The following PLCE1 variants were observed in gnomAD, a reference collection of about 807,000 sequenced individuals.
The protein encoded by PLCE1 is phospholipase C epsilon 1, also known as 1-phosphatidylinositol 4,5-bisphosphate phosphodiesterase epsilon-1.
Under a neutral mutation model 242.8 loss-of-function variants are expected in PLCE1, and 119 were observed. That is an observed-to-expected ratio of 0.49 (90% CI 0.42 to 0.57). The LOEUF (loss-of-function observed/expected upper bound fraction) is 0.57, where lower values mean the gene tolerates loss of function less well. PLCE1 is among the 20% of genes least tolerant of loss of function. PLCE1 has a pLI of 0.00. For synonymous variants in PLCE1, 945 were observed against 1,017.4 expected (o/e 0.93, Z 1.35); for missense variants, 2,441 against 2,788.8 (o/e 0.88, Z 2.81).
chr10:94,327,211 A>T (rs564683843), intron 32 of PLCE1, among the ~76,000 whole-genome samples: 3 of 152,200 alleles, frequency 2.0e-5, no homozygotes, highest in Non-Finnish European at 4.4e-5. Flanking sequence ...CATCTATGTG[A>T]ATTGACATCC....
At chr10:94,026,116 C>A (rs1165983138) in intron 1 of PLCE1, among the ~76,000 whole-genome samples, 1 of 152,106 alleles carries the variant, frequency 6.6e-6, no homozygotes, top group Non-Finnish European at 1.5e-5. Flanking sequence ...ATGAAAACAC[C>A]CATCAACAGG....
intron 3 of PLCE1, among the ~76,000 whole-genome samples, chr10:94,166,808 C>T (rs2047821184): frequency 6.6e-6 from 1 of 152,040 alleles, no homozygotes; most frequent in African/African-American, 2.4e-5. Context: ...TTACAGGGTT[C>T]ACTGTGAGAA....
chr10:94,245,859 AAAAT>A, intron 7 of PLCE1, 83 bp from the exon 8 acceptor site: 2 of 1,035,242 alleles, frequency 1.9e-6, no homozygotes, highest in Non-Finnish European at 3.1e-6. Flanking sequence ...AGTGCGATGA[AAAAT>A]AAAGCCCAGT....
intron 2 of PLCE1, among the ~76,000 whole-genome samples, chr10:94,050,662 T>C (rs979227328): frequency 3.3e-5 from 5 of 152,072 alleles, no homozygotes; most frequent in African/African-American, 1.2e-4. Context: ...AGTTGAACTA[T>C]AAGTGTAATA....
At chr10:94,207,604 G>A (rs1306566150) in intron 4 of PLCE1, among the ~76,000 whole-genome samples, 2 of 151,012 alleles carry the variant, frequency 1.3e-5, no homozygotes, top group East Asian at 1.9e-4. Flanking sequence ...TCAAAGCAAT[G>A]GCACTCCAGA....
intron 27 of PLCE1, among the ~76,000 whole-genome samples, chr10:94,310,300 A>G (rs2053346503): frequency 6.6e-6 from 1 of 151,446 alleles, no homozygotes; most frequent in South Asian, 2.1e-4. Context: ...ATCAGTTTTG[A>G]CTCCCGCTGT....
intron 3 of PLCE1, among the ~76,000 whole-genome samples, chr10:94,133,254 A>G (rs1412111785): frequency 2.6e-5 from 4 of 152,204 alleles, no homozygotes; most frequent in African/African-American, 9.6e-5. Context: ...TTAAAGGACA[A>G]GATAGGCAGG....
chr10:94,269,516 T>A (rs557661225), intron 17 of PLCE1, among the ~76,000 whole-genome samples: 1 of 152,302 alleles, frequency 6.6e-6, no homozygotes, highest in East Asian at 1.9e-4. Context: ...ATGTGGAATG[T>A]GCACATGTTC....
chr10:94,299,643 A>G (rs2052966902), intron 24 of PLCE1, among the ~76,000 whole-genome samples: 1 of 152,216 alleles, frequency 6.6e-6, no homozygotes, highest in South Asian at 2.1e-4. Flanking sequence ...TCATCTAACC[A>G]TGCTGAACCA....
intron 5 of PLCE1, among the ~76,000 whole-genome samples, chr10:94,233,343 A>G (rs2050205730): frequency 6.6e-6 from 1 of 152,228 alleles, no homozygotes; most frequent in Admixed American, 6.5e-5. Flanking sequence ...GTTGATCACT[A>G]AGGGACTGGA....
intron 24 of PLCE1, among the ~76,000 whole-genome samples, chr10:94,300,694 A>G (rs902388186): frequency 2.0e-5 from 3 of 151,024 alleles, no homozygotes; most frequent in Admixed American, 2.0e-4. Flanking sequence ...CCCCACTGCA[A>G]TATGAACATG....
At chr10:94,315,769 C>CAAAAAAAAAAAAAAAA (rs10572287) in intron 28 of PLCE1, among the ~76,000 whole-genome samples, 1 of 122,870 alleles carries the variant, frequency 8.1e-6, no homozygotes, top group Non-Finnish European at 1.7e-5. Context: ...GACTCTGTCT[C>CAAAAAAAAAAAAAAAA]AAAAAAAAAA....
chr10:94,196,132 T>C (rs1195798464), intron 4 of PLCE1, among the ~76,000 whole-genome samples: 4 of 152,170 alleles, frequency 2.6e-5, no homozygotes, highest in Non-Finnish European at 5.9e-5. Flanking sequence ...CCTATTGCTA[T>C]TATAATCTTC....
chr10:94,058,252 G>T (rs1430920989), intron 2 of PLCE1, among the ~76,000 whole-genome samples: 1 of 152,228 alleles, frequency 6.6e-6, no homozygotes, highest in Middle Eastern at 3.4e-3. Context: ...AGCTCTTATT[G>T]GCATGTATAT....
At chr10:94,120,601 T>C (rs2046271329) in intron 2 of PLCE1, 1 of 152,182 alleles carries the variant, frequency 6.6e-6, no homozygotes, top group African/African-American at 2.4e-5. Context: ...AGAAATACAG[T>C]GCATTTAATA....
chr10:94,037,137 T>G (rs1445430671), intron 2 of PLCE1, among the ~76,000 whole-genome samples: 1 of 152,224 alleles, frequency 6.6e-6, no homozygotes, highest in Non-Finnish European at 1.5e-5. Flanking sequence ...CCTTTCTTCT[T>G]CATACTTTAC....
At chr10:94,167,659 TC>T (rs1176015019) in intron 3 of PLCE1, among the ~76,000 whole-genome samples, 1 of 135,274 alleles carries the variant, frequency 7.4e-6, no homozygotes, top group Non-Finnish European at 1.6e-5. Context: ...CCTAATGCTA[TC>T]CCTCCCCCCT....
chr10:94,323,789 G>A (rs979344294), intron 30 of PLCE1, among the ~76,000 whole-genome samples: 5 of 152,174 alleles, frequency 3.3e-5, no homozygotes, highest in Admixed American at 3.3e-4. Flanking sequence ...TAAAAGTACA[G>A]CACAGTATCT....
intron 2 of PLCE1, among the ~76,000 whole-genome samples, chr10:94,097,961 G>A (rs2045377973): frequency 6.6e-6 from 1 of 152,212 alleles, no homozygotes; most frequent in Non-Finnish European, 1.5e-5. Context: ...ACAGGCGACA[G>A]AGATGAGATT....
Sources: allele counts gnomAD v4.1 joint callset (sites outside exome capture counted in the v4.1 genomes callset), GRCh38; gene constraint gnomAD v4.1.1; transcripts MANE v1.5; gene names NCBI Gene and HGNC (gene_info 2026-07-23, HGNC 2026-07-21).